The following PENK variants were observed in gnomAD, a reference collection of about 807,000 sequenced individuals.
The protein encoded by PENK is proenkephalin, also known as proenkephalin-A.
PENK carries 25 observed loss-of-function variants against 24.1 expected under a neutral mutation model. The observed-to-expected ratio is 1.04, with a 90% CI of 0.76 to 1.45. The LOEUF is 1.45. Ranked by LOEUF, PENK falls within the 40% of genes most tolerant of loss-of-function variation. The pLI, the probability that PENK is intolerant of heterozygous loss-of-function variation, is 0.00. For synonymous variants in PENK, 135 were observed against 130.3 expected, an observed-to-expected ratio of 1.04 and a Z score of -0.24; for missense variants, 353 against 337.9, an observed-to-expected ratio of 1.04 and a Z score of -0.35.
At chr8:56,442,599 TTTG>T (rs200742636) in intron 3 of PENK, among the ~76,000 whole-genome samples, 20 of 126,572 alleles carry the variant, frequency 1.6e-4, no homozygotes, top group Non-Finnish European at 2.6e-4. Context: ...GTACAGATCT[TTTG>T]TTTTTTTCCT....
chr8:56,443,536 A>T (rs1804595985), intron 3 of PENK: 1 of 158,726 alleles, frequency 6.3e-6, no homozygotes, highest in South Asian at 1.9e-4. Flanking sequence ...ATCACATTAG[A>T]TGGGAAATTC....
At chr8:56,443,704 C>A (rs1251747135) in intron 3 of PENK, 3 of 379,632 alleles carry the variant, frequency 7.9e-6, no homozygotes, top group East Asian at 8.7e-5. Flanking sequence ...ATGTCTTTTG[C>A]ATCCGAGCCA....
At chr8:56,446,100 C>T in intron 2 of PENK, 144 bp from the exon 3 acceptor site, 3 of 898,872 alleles carry the variant, frequency 3.3e-6, no homozygotes, top group Middle Eastern at 3.6e-4. Context: ...CCCGCCCTCC[C>T]GGCCGACAGC....
At chr8:56,443,190 G>T (rs1804590134) in intron 3 of PENK, among the ~76,000 whole-genome samples, 2 of 152,104 alleles carry the variant, frequency 1.3e-5, no homozygotes, top group Non-Finnish European at 2.9e-5. Flanking sequence ...AGAATCTAAA[G>T]ATGATCCATT....
chr8:56,441,802 C>A lies in PENK; in HGVS notation c.274G>T (p.Glu92Ter). The A allele has an allele frequency of 6.2e-7, 1 of 1,614,148 alleles. No homozygotes were observed. The highest frequency in any genetic ancestry group is 8.5e-7 in the Non-Finnish European group (1 of 1,180,018). The change falls in exon 4 of 4, where the codon GAA becomes TAA. Residue 92 changes from glutamate (E) to a stop codon, truncating the protein, a stop_gained. Transcript: ENST00000451791. LOFTEE classifies it high-confidence loss of function. ...STLRENSKPE[E>*]SHLLAKRYGG... ...TACCTTTTGGCTAGCAAATGGCTTT[C>A]TTCCGGTTTGCTATTTTCTCTGAGG...
intron 3 of PENK, among the ~76,000 whole-genome samples, chr8:56,442,463 C>T (rs898619097): frequency 1.3e-5 from 2 of 152,012 alleles, no homozygotes; most frequent in Non-Finnish European, 2.9e-5. Flanking sequence ...ATCGAGTATT[C>T]CTGCAAATAC....
intron 3 of PENK, chr8:56,445,486 G>T: frequency 1.8e-6 from 1 of 566,000 alleles, no homozygotes; most frequent in South Asian, 2.4e-5. Context: ...GCCCAGGAGA[G>T]AACCCAGTGC....
chr8:56,445,709 G>A, intron 3 of PENK, 107 bp downstream of exon 3: 1 of 1,453,924 alleles, frequency 6.9e-7, no homozygotes, highest in Non-Finnish European at 9.6e-7. Context: ...GCTCCGACCC[G>A]GTGCGAACCG....
intron 2 of PENK, 100 bp from the exon 3 acceptor site, chr8:56,446,056 A>G: frequency 7.5e-7 from 1 of 1,335,128 alleles, no homozygotes; most frequent in Non-Finnish European, 1.0e-6. Flanking sequence ...GGGATCGTCG[A>G]GCAAAAGCCC....
At position 56,441,560 on chromosome 8, in the gene PENK, G is replaced by C; in HGVS notation, c.516C>G (p.His172Gln). ...CTTCCTCATTATCACTGCCATCCTG[G>C]TGGTGGCTACGCTCTCGGTTGTCCC... Reference protein sequence around the residue: ...ETGDNRERSHHQDGSDNEEEV... With the variant: ...ETGDNRERSHQQDGSDNEEEV... The change falls in exon 4 of 4, where the codon CAC becomes CAG. Residue 172 changes from histidine (H) to glutamine (Q), a missense_variant. Coordinates refer to ENST00000451791, the MANE Select transcript of PENK (RefSeq NM_001135690.3). The C allele has an allele frequency of 1.9e-6, 3 of 1,613,478 alleles. No individual in the cohort carries two copies. Among genetic ancestry groups the C allele is most frequent in the Admixed American group, 1.7e-5 (1 of 59,948 alleles).
chr8:56,445,756 G>C (rs754906486), intron 3 of PENK, 60 bp downstream of exon 3: 49 of 1,604,404 alleles, frequency 3.1e-5, no homozygotes, highest in South Asian at 6.6e-5. Flanking sequence ...GGCAGTCCGC[G>C]TACTGTTGCG....
chr8:56,445,334 C>T (rs1057033498), intron 3 of PENK: 2 of 302,200 alleles, frequency 6.6e-6, no homozygotes, highest in Admixed American at 4.6e-5. Flanking sequence ...AGCTGGGGAA[C>T]ATAAATCTAA....
rs1804648791 is a variant in PENK at position 56,445,816 on chromosome 8, C to T, written c.138G>A (p.Leu46=). 1.2e-6 allele frequency: 2 copies of T among 1,613,308 alleles called. No individual in the cohort carries two copies. The highest frequency in any genetic ancestry group is 1.7e-5 in the Admixed American group (1 of 60,012). ...RLVRPADINF[L]ACVMECEGKL... ...AACACTCGCCGCGCGCAACACTCAC[C>T]AGGAAGTTGATGTCGGCCGGGCGCA... Residue 46 remains leucine (L), a splice_region_variant and synonymous_variant, in exon 3 of 4, where the codon CTG becomes CTA. Transcript: ENST00000451791.
At chr8:56,442,626 G>A (rs1804581078) in intron 3 of PENK, among the ~76,000 whole-genome samples, 1 of 151,138 alleles carries the variant, frequency 6.6e-6, no homozygotes. Context: ...TTCTTTGCTG[G>A]ATACAACAGA....
chr8:56,444,178 A>C (rs1804610428), intron 3 of PENK, among the ~76,000 whole-genome samples: 1 of 152,224 alleles, frequency 6.6e-6, no homozygotes, highest in Non-Finnish European at 1.5e-5. Flanking sequence ...AATCAAATAG[A>C]TTAAGTATGA....
Position 56,441,525 on chromosome 8 carries a change from T to C in PENK, c.551A>G (p.Lys184Arg), listed in dbSNP as rs150278415. 7.4e-5 allele frequency: 119 copies of C among 1,613,602 alleles called. No homozygotes were observed. The highest frequency in any genetic ancestry group is 9.8e-5 in the Non-Finnish European group (116 of 1,179,974). ...GCCTCTCATGAAGCCCCCATATCTC[T>C]TGCTCACTTCTTCCTCATTATCACT... is the stretch of plus-strand genomic sequence containing the variant. ...DGSDNEEEVS[K>R]RYGGFMRGLK... Residue 184 changes from lysine (K) to arginine (R), a missense_variant, in exon 4 of 4, where the codon AAG becomes AGG. Lys to Arg is a conservative substitution (Grantham distance 26). Coordinates refer to ENST00000451791, the MANE Select transcript of PENK (RefSeq NM_001135690.3).
intron 3 of PENK, among the ~76,000 whole-genome samples, chr8:56,443,325 G>C (rs1404400575): frequency 6.6e-6 from 1 of 152,176 alleles, no homozygotes; most frequent in Non-Finnish European, 1.5e-5. Context: ...TGATCTTGTT[G>C]TTAAAAATTA....
chr8:56,446,227 G>T (rs13261904), intron 2 of PENK, 199 bp downstream of exon 2: 1 of 500,630 alleles, frequency 2.0e-6, no homozygotes, highest in Non-Finnish European at 3.6e-6. Flanking sequence ...CCGCGGCCCA[G>T]GGCAAGATTC....
At chr8:56,443,070 T>C (rs1458670870) in intron 3 of PENK, among the ~76,000 whole-genome samples, 2 of 152,138 alleles carry the variant, frequency 1.3e-5, no homozygotes, top group Non-Finnish European at 2.9e-5. Context: ...ATTTTCACAA[T>C]GAAAGAAAGC....
Sources: allele counts gnomAD v4.1 joint callset (sites outside exome capture counted in the v4.1 genomes callset), GRCh38; gene constraint gnomAD v4.1.1; transcripts MANE v1.5; gene names NCBI Gene and HGNC (gene_info 2026-07-23, HGNC 2026-07-21).